TRAK2: variants seen among roughly 807,000 people sequenced by gnomAD.
TRAK2 encodes trafficking kinesin protein 2.
A neutral mutation model predicts 104.6 loss-of-function variants in TRAK2; 81 were observed. The observed-to-expected ratio is 0.77, with a 90% CI of 0.65 to 0.93. TRAK2 has a LOEUF of 0.93. TRAK2 is among the 40% of genes least tolerant of loss of function. TRAK2 has a pLI of 0.00. For missense variants in TRAK2, 1,002 were observed against 1,089.0 expected, an observed-to-expected ratio of 0.92 and a Z score of 1.12; for synonymous variants, 406 against 394.4, an observed-to-expected ratio of 1.03 and a Z score of -0.35.
At chr2:201,386,155 A>T in intron 14 of TRAK2, 63 bp downstream of exon 14, 1 of 1,578,086 alleles carries the variant, frequency 6.3e-7, no homozygotes, top group Non-Finnish European at 8.7e-7. Flanking sequence ...CTGACTGTCT[A>T]GTAAGTCAGA....
In TRAK2 at chr2:201,423,774, T is replaced by C. The variant is rs1218305667; in HGVS notation, c.-199-3068A>G. ...GTACTATATAATACAAAGTATATAA[T>C]ACACAATTTTAAAAGTGATAGGGAA... is the stretch of plus-strand genomic sequence containing the variant. On this transcript the variant is annotated intron_variant, in intron 1 of 15. Coordinates refer to ENST00000332624, the MANE Select transcript of TRAK2 (RefSeq NM_015049.3). Among the ~76,000 whole-genome samples the C allele has an allele frequency of 9.2e-5, 14 of 152,136 alleles. No homozygotes were observed. The East Asian group carries it at 2.5e-3, about 27-fold the overall frequency.
chr2:201,434,685 T>C (rs1311215293), intron 1 of TRAK2, among the ~76,000 whole-genome samples: 1 of 152,230 alleles, frequency 6.6e-6, no homozygotes, highest in African/African-American at 2.4e-5. Context: ...CATAAGCAAC[T>C]GAATAAGCAA....
intron 10 of TRAK2, among the ~76,000 whole-genome samples, chr2:201,390,563 CA>C (rs566298441): frequency 6.3e-4 from 55 of 87,224 alleles, no homozygotes; most frequent in East Asian, 2.0e-3. Flanking sequence ...GACTCCGTCT[CA>C]AAAAAAAAAA....
In TRAK2 at chr2:201,380,368, G is replaced by A. The variant is rs556146844; in HGVS notation, c.*175C>T. On this transcript the variant is annotated 3_prime_UTR_variant, in exon 16 of 16. Transcript: ENST00000332624. ...ATTCATTTATACTTTCAATTTGCCC[G>A]ACTTCCTCCATTAGGGCTCATCCCA... is the stretch of plus-strand genomic sequence containing the variant. The A allele has an allele frequency of 8.9e-6, 6 of 676,954 alleles. No individual in the cohort carries two copies. The highest frequency in any genetic ancestry group is 2.9e-5 in the Admixed American group (1 of 34,144). The allele number at this position is 676,954 out of a possible 1,614,324, so 41.9% of individuals were successfully genotyped here. A position where few individuals can be genotyped will look rare whatever the true frequency, so the allele number is the denominator to read the frequency against.
chr2:201,383,891 T>C (rs533083344), intron 15 of TRAK2, among the ~76,000 whole-genome samples: 2 of 152,276 alleles, frequency 1.3e-5, no homozygotes, highest in African/African-American at 4.8e-5. Flanking sequence ...ACCTCAACCT[T>C]CCATGCCTCA....
intron 14 of TRAK2, among the ~76,000 whole-genome samples, chr2:201,385,865 T>C (rs1951384096): frequency 6.6e-6 from 1 of 152,260 alleles, no homozygotes; most frequent in African/African-American, 2.4e-5. Context: ...TACATATTTT[T>C]ATGGTTTTTC....
At chr2:201,397,425 G>A in intron 7 of TRAK2, 77 bp downstream of exon 7, 4 of 954,634 alleles carry the variant, frequency 4.2e-6, no homozygotes, top group Non-Finnish European at 6.4e-6. Flanking sequence ...TGAAACCAGT[G>A]ATCTAACTTC....
At chr2:201,430,681 C>T (rs907237019) in intron 1 of TRAK2, among the ~76,000 whole-genome samples, 4 of 152,128 alleles carry the variant, frequency 2.6e-5, no homozygotes, top group South Asian at 2.1e-4. Context: ...GTTGGAAAAG[C>T]GCAGTACTAG....
At position 201,447,933 on chromosome 2, in the gene TRAK2, T is replaced by C. The variant is rs1951976315; in HGVS notation, c.-200+3417A>G. ...GCTGTGATCCCATTGCTCAACACAC[T>C]ATGTTAATTGTCTCTTTCCTTCTTC... is the stretch of plus-strand genomic sequence containing the variant. On this transcript the variant is annotated intron_variant, in intron 1 of 15. Transcript: ENST00000332624. The surrounding 1 kb of genome is among the most constrained non-coding windows in gnomAD (Gnocchi z 4.1). Among the ~76,000 whole-genome samples, 1 of 152,238 alleles carries C rather than the reference T, an allele frequency of 6.6e-6. No individual in the cohort carries two copies. Among genetic ancestry groups the C allele is most frequent in the Non-Finnish European group, 1.5e-5 (1 of 68,038 alleles).
chr2:201,390,399 A>C (rs1163663952), intron 10 of TRAK2, among the ~76,000 whole-genome samples: 4 of 26,426 alleles, frequency 1.5e-4, no homozygotes, highest in African/African-American at 2.9e-4. Context: ...AAAAAAATAC[A>C]AAAAAAAAAA....
In TRAK2 at chr2:201,395,449, G is replaced by A; in HGVS notation, c.770-5C>T. On this transcript the variant is annotated splice_region_variant and splice_polypyrimidine_tract_variant and intron_variant, in intron 7 of 15. Coordinates refer to ENST00000332624, the MANE Select transcript of TRAK2 (RefSeq NM_015049.3). ...ACATCTGAGCATTTGTTTCACCTTG[G>A]AAGCAAAAAAAATTTTTTTAAATTA... 6.6e-7 allele frequency: 1 copy of A among 1,505,152 alleles called. No homozygotes were observed. Among genetic ancestry groups the A allele is most frequent in the Non-Finnish European group, 9.0e-7 (1 of 1,115,336 alleles). 93.2% of individuals were successfully genotyped at this position (1,505,152 alleles called of 1,614,324 possible). A position where few individuals can be genotyped will look rare whatever the true frequency, so the allele number is the denominator to read the frequency against.
chr2:201,432,690 TA>T (rs1225832439), intron 1 of TRAK2, among the ~76,000 whole-genome samples: 1 of 152,168 alleles, frequency 6.6e-6, no homozygotes, highest in Non-Finnish European at 1.5e-5. Flanking sequence ...GCCCTGTGCC[TA>T]AAAAATATCT....
At position 201,451,423 on chromosome 2, in the gene TRAK2, GCA is replaced by G. The variant is rs1559459161; in HGVS notation, c.-275_-274del. Reference sequence around the variant, plus strand: ...CCCCTAATGCAGCGGCAGCCTGAAAGCAGCAGCCGAAGCTGCTGCCGCTGCTC... The same window carrying G: ...CCCCTAATGCAGCGGCAGCCTGAAAGGCAGCCGAAGCTGCTGCCGCTGCTC... On this transcript the variant is annotated 5_prime_UTR_variant, in exon 1 of 16. Coordinates refer to ENST00000332624, the MANE Select transcript of TRAK2 (RefSeq NM_015049.3). 1.2e-4 allele frequency: 18 copies of G among 152,178 alleles called. No homozygotes were observed. The highest frequency in any genetic ancestry group is 9.8e-4 in the Admixed American group (15 of 15,290). 9.4% of individuals were successfully genotyped at this position (152,178 alleles called of 1,614,324 possible). A position where few individuals can be genotyped will look rare whatever the true frequency, so the allele number is the denominator to read the frequency against.
Position 201,398,276 on chromosome 2 carries a change from T to C in TRAK2, c.559A>G (p.Thr187Ala). The change falls in exon 6 of 16, where the codon ACT (threonine) becomes GCT (alanine). Residue 187 changes from threonine to alanine, a missense_variant. Thr to Ala is a moderately conservative substitution (Grantham distance 58, BLOSUM62 0). Coordinates refer to ENST00000332624, the MANE Select transcript of TRAK2 (RefSeq NM_015049.3). ...AGAGGTGTAGAACAGCTGGAATCAG[T>C]TTCACTTTCTTCAGAAGCAATGGAG... ...IVSIASEESETDSSCSTPLRF... is the reference protein window; with the variant it reads ...IVSIASEESEADSSCSTPLRF... 6.2e-7 allele frequency: 1 copy of C among 1,613,722 alleles called. No individual in the cohort carries two copies. Among genetic ancestry groups the C allele is most frequent in the Non-Finnish European group, 8.5e-7 (1 of 1,179,746 alleles).
chr2:201,395,255 G>T, intron 8 of TRAK2, 59 bp downstream of exon 8: 1 of 1,418,418 alleles, frequency 7.1e-7, no homozygotes. Context: ...CACTTAGCAT[G>T]GTGCAAGATA....
chr2:201,417,423 A>C (rs1386093420), intron 2 of TRAK2, among the ~76,000 whole-genome samples: 1 of 152,074 alleles, frequency 6.6e-6, no homozygotes, highest in Non-Finnish European at 1.5e-5. Context: ...AGTTTTTTCC[A>C]GGAATGCAAG....
intron 2 of TRAK2, chr2:201,410,829 T>C: frequency 1.2e-6 from 2 of 1,606,584 alleles, no homozygotes; most frequent in Non-Finnish European, 8.5e-7. Flanking sequence ...CAGACATATC[T>C]GTGGGTCTTT....
At chr2:201,381,722 G>A (rs576704733) in intron 15 of TRAK2, among the ~76,000 whole-genome samples, 9 of 151,924 alleles carry the variant, frequency 5.9e-5, no homozygotes, top group African/African-American at 1.9e-4. Context: ...AACTCTTCTG[G>A]GAGAAGTTTC....
intron 2 of TRAK2, chr2:201,411,432 TC>T: frequency 4.0e-6 from 3 of 745,028 alleles, no homozygotes; most frequent in Non-Finnish European, 7.6e-6. Context: ...AACTTTTGTC[TC>T]CTCAGAAACA....
Sources: allele counts gnomAD v4.1 joint callset (sites outside exome capture counted in the v4.1 genomes callset), GRCh38; gene constraint gnomAD v4.1.1; non-coding constraint Gnocchi (gnomAD v3.1); transcripts MANE v1.5; gene names NCBI Gene and HGNC (gene_info 2026-07-23, HGNC 2026-07-21).